RALGAPA1: variants seen among roughly 807,000 people sequenced by gnomAD.
RALGAPA1 encodes the protein ral GTPase-activating protein subunit alpha-1.
A neutral mutation model predicts 269.6 loss-of-function variants in RALGAPA1; 52 were observed. The observed-to-expected ratio is 0.19, with a 90% CI of 0.15 to 0.24. The LOEUF (loss-of-function observed/expected upper bound fraction) is 0.24, where lower values mean the gene tolerates loss of function less well. Among genes scored for constraint, RALGAPA1 ranks in the 10% least tolerant of loss-of-function variants. The pLI is 1.00. For synonymous variants in RALGAPA1, 817 were observed against 1,008.3 expected, an observed-to-expected ratio of 0.81 and a Z score of 3.60; for missense variants, 1,917 against 3,013.9, an observed-to-expected ratio of 0.64 and a Z score of 8.52.
At chr14:35,605,496 A>C (rs1241140408) in intron 36 of RALGAPA1, 90 bp downstream of exon 36, 1 of 1,361,336 alleles carries the variant, frequency 7.3e-7, no homozygotes, top group African/African-American at 1.5e-5. Flanking sequence ...GTATCTCCTA[A>C]AATAATACTT....
intron 1 of RALGAPA1, among the ~76,000 whole-genome samples, chr14:35,778,995 TAG>T (rs950144006): frequency 2.6e-5 from 4 of 152,108 alleles, no homozygotes; most frequent in African/African-American, 9.7e-5. Flanking sequence ...TCATAAGAAG[TAG>T]AGTCAGGATT....
At chr14:35,778,369 C>T (rs976967028) in intron 1 of RALGAPA1, among the ~76,000 whole-genome samples, 1 of 152,154 alleles carries the variant, frequency 6.6e-6, no homozygotes. Flanking sequence ...TTAGTGATGT[C>T]TTATCTATGT....
intron 39 of RALGAPA1, among the ~76,000 whole-genome samples, chr14:35,559,556 T>C (rs1387484304): frequency 6.6e-6 from 1 of 152,152 alleles, no homozygotes; most frequent in East Asian, 1.9e-4. Context: ...AGAAGCAAAC[T>C]TCAAGTTTCG....
chr14:35,797,350 T>TAAAAAAAAAAAAAA (rs1322597590), intron 1 of RALGAPA1, among the ~76,000 whole-genome samples: 1 of 62,296 alleles, frequency 1.6e-5, no homozygotes. Context: ...AGACTCCGTC[T>TAAAAAAAAAAAAAA]CAAAAAAAAA....
At chr14:35,546,200 A>C (rs1029654737) in intron 41 of RALGAPA1, among the ~76,000 whole-genome samples, 3 of 152,130 alleles carry the variant, frequency 2.0e-5, no homozygotes, top group Non-Finnish European at 4.4e-5. Flanking sequence ...TGATGCACCA[A>C]AATCTTTCAT....
At position 35,742,417 on chromosome 14, in the gene RALGAPA1, T is replaced by G. The variant is rs1369977806; in HGVS notation, c.1400A>C (p.Asn467Thr). 1.9e-6 allele frequency: 3 copies of G among 1,605,588 alleles called. No homozygotes were observed. In the Admixed American group the frequency reaches 5.1e-5, roughly 27 times the overall value. ...ITSSDLPCIE[N>T]VTDHDISMEE... is the part of the protein sequence containing the mutation. ...CATTGAAATATCATGGTCTGTGACA[T>G]TTTCAATGCAAGGGAGGTCTGAAGA... The change falls in exon 11 of 42, where the codon AAT becomes ACT. Residue 467 changes from asparagine (N) to threonine (T), a missense_variant. By Grantham distance (65) the Asn-to-Thr change is moderately conservative (BLOSUM62 0). Coordinates refer to ENST00000680220, the MANE Select transcript of RALGAPA1 (RefSeq NM_001346249.2).
At chr14:35,635,997 C>G (rs945284241) in intron 31 of RALGAPA1, among the ~76,000 whole-genome samples, 1 of 152,178 alleles carries the variant, frequency 6.6e-6, no homozygotes, top group Non-Finnish European at 1.5e-5. Flanking sequence ...CACTGAATAG[C>G]CTGCCAGTAA....
chr14:35,663,681 C>T (rs2063715407), intron 27 of RALGAPA1, among the ~76,000 whole-genome samples: 2 of 151,716 alleles, frequency 1.3e-5, no homozygotes, highest in African/African-American at 4.8e-5. Context: ...GCTCCACCTC[C>T]TGGGTTCACG....
intron 37 of RALGAPA1, among the ~76,000 whole-genome samples, chr14:35,584,621 G>T (rs1262132668): frequency 2.0e-5 from 3 of 152,040 alleles, no homozygotes; most frequent in Non-Finnish European, 4.4e-5. Context: ...AATGTATAGT[G>T]TAAACTCTAC....
At chr14:35,634,900 C>T (rs2061573645) in intron 32 of RALGAPA1, 143 bp from the exon 33 acceptor site, 9 of 786,772 alleles carry the variant, frequency 1.1e-5, no homozygotes, top group Non-Finnish European at 1.7e-5. Flanking sequence ...GGCACAGTGG[C>T]TCATGCCTGT....
chr14:35,760,590 C>A (rs537620359), intron 6 of RALGAPA1, among the ~76,000 whole-genome samples: 1 of 152,226 alleles, frequency 6.6e-6, no homozygotes, highest in Non-Finnish European at 1.5e-5. Flanking sequence ...GTGCTTCCCC[C>A]ACATAGCCCT....
In RALGAPA1 at chr14:35,688,625, T is replaced by C; in HGVS notation, c.3786A>G (p.Ala1262=). 6.5e-7 allele frequency: 1 copy of C among 1,534,484 alleles called. No homozygotes were observed. The highest frequency in any genetic ancestry group is 2.0e-5 in the Admixed American group (1 of 50,926). The change falls in exon 18 of 42, where the codon GCA becomes GCG. Residue 1262 remains alanine, a synonymous_variant. Transcript: ENST00000680220. ...CACCCAGGGAGCCCTGCTGTAGTCC[T>C]GCCTCATGACTTGATGACCTAAGAG... The part of the protein sequence containing the change: ...RSTLRSSSHE[A]GLQQGSLGGV...
intron 31 of RALGAPA1, among the ~76,000 whole-genome samples, chr14:35,642,804 A>G (rs1468660729): frequency 6.6e-6 from 1 of 152,150 alleles, no homozygotes; most frequent in Non-Finnish European, 1.5e-5. Context: ...AACTAGAAAT[A>G]CCATTTGACC....
intron 31 of RALGAPA1, among the ~76,000 whole-genome samples, chr14:35,648,982 C>A (rs777959049): frequency 6.6e-6 from 1 of 152,188 alleles, no homozygotes; most frequent in Non-Finnish European, 1.5e-5. Context: ...ATGTGCTATA[C>A]TTTGCTAACT....
chr14:35,695,644 G>A lies in RALGAPA1; in HGVS notation c.2407+4518C>T, dbSNP rs143098254. Among the ~76,000 whole-genome samples, 32 of 152,308 alleles carry A rather than the reference G, an allele frequency of 2.1e-4. No homozygotes were observed. In the East Asian group the frequency reaches 5.2e-3, roughly 25 times the overall value. On this transcript the variant is annotated intron_variant, in intron 17 of 41. Transcript: ENST00000680220. Reference sequence around the variant, plus strand: ...GGGTCTGTAAGCTTAATTTCAGGATGAGAAACTCATAGTACTTGATTAGAA... The same window carrying A: ...GGGTCTGTAAGCTTAATTTCAGGATAAGAAACTCATAGTACTTGATTAGAA...
At chr14:35,765,725 G>C (rs182234523) in intron 4 of RALGAPA1, 83 of 336,412 alleles carry the variant, frequency 2.5e-4, no homozygotes, top group African/African-American at 1.7e-3. Context: ...CAAACTCCTG[G>C]GCTCAGGTGA....
At chr14:35,587,681 A>G (rs2058386803) in intron 37 of RALGAPA1, among the ~76,000 whole-genome samples, 1 of 151,210 alleles carries the variant, frequency 6.6e-6, no homozygotes, top group Admixed American at 6.6e-5. Flanking sequence ...AGAACCTTGG[A>G]CACAGGGTGG....
chr14:35,586,628 A>G (rs1199817812), intron 37 of RALGAPA1, among the ~76,000 whole-genome samples: 2 of 152,204 alleles, frequency 1.3e-5, no homozygotes, highest in African/African-American at 2.4e-5. Context: ...AGTCCCATCA[A>G]TACCTAGTTT....
chr14:35,639,816 G>A (rs575254370), intron 31 of RALGAPA1, among the ~76,000 whole-genome samples: 5 of 152,054 alleles, frequency 3.3e-5, no homozygotes, highest in African/African-American at 1.2e-4. Flanking sequence ...GCGGGCACCT[G>A]TAGTCCCAGC....
Sources: allele counts gnomAD v4.1 joint callset (sites outside exome capture counted in the v4.1 genomes callset), GRCh38; gene constraint gnomAD v4.1.1; transcripts MANE v1.5; gene names NCBI Gene and HGNC (gene_info 2026-07-23, HGNC 2026-07-21).